NIT2: variants seen among roughly 807,000 people sequenced by gnomAD.
NIT2 encodes the protein nitrilase family member 2.
In NIT2, 46 loss-of-function variants were observed where a neutral mutation model predicts 42.7. That is an observed-to-expected ratio of 1.08 (90% CI 0.85 to 1.38). The LOEUF (loss-of-function observed/expected upper bound fraction) is 1.38, where lower values mean the gene tolerates loss of function less well. NIT2 is among the 40% of genes most tolerant of loss of function. The pLI is 0.00. For missense variants in NIT2, 309 were observed against 342.5 expected (o/e 0.90, Z 0.77); for synonymous variants, 123 against 121.9 (o/e 1.01, Z -0.06).
In NIT2 at chr3:100,356,929, TTC is replaced by T. The variant is rs1706330553; in HGVS notation, c.*1663_*1664del. ...AAAATCACTTGGAACTCAAAATTAC[TTC>T]TTTCACTCAAAATCACTCAAAATTA... On this transcript the variant is annotated 3_prime_UTR_variant, in exon 10 of 10. Transcript: ENST00000394140. The T allele has an allele frequency of 6.6e-6, 1 of 152,216 alleles. No homozygotes were observed. Among genetic ancestry groups the T allele is most frequent in the Non-Finnish European group, 1.5e-5 (1 of 68,044 alleles). The allele number at this position is 152,216 out of a possible 1,614,324, so 9.4% of individuals were successfully genotyped here. A position where few individuals can be genotyped will look rare whatever the true frequency, so the allele number is the denominator to read the frequency against.
Position 100,358,090 on chromosome 3 carries a change from T to C in NIT2, c.*2822T>C, listed in dbSNP as rs1706340504. ...CACGGCACCCAGCCTTTTGTTTGTT[T>C]TTGTTTTTATGTATTTCATTAAATG... On this transcript the variant is annotated 3_prime_UTR_variant, in exon 10 of 10. Coordinates refer to ENST00000394140, the MANE Select transcript of NIT2 (RefSeq NM_020202.5). The C allele has an allele frequency of 6.6e-6, 1 of 152,200 alleles. No individual in the cohort carries two copies. The highest frequency in any genetic ancestry group is 2.1e-4 in the South Asian group (1 of 4,832). 9.4% of individuals were successfully genotyped at this position (152,200 alleles called of 1,614,324 possible). A position where few individuals can be genotyped will look rare whatever the true frequency, so the allele number is the denominator to read the frequency against.
At chr3:100,353,433 T>G (rs1179128895) in intron 8 of NIT2, among the ~76,000 whole-genome samples, 2 of 150,670 alleles carry the variant, frequency 1.3e-5, no homozygotes, top group Non-Finnish European at 3.0e-5. Flanking sequence ...TTGGAAGATA[T>G]GACTAGTGTG....
chr3:100,361,184 A>G lies in NIT2; in HGVS notation c.*5916A>G, dbSNP rs1453193638. 6.6e-6 allele frequency: 1 copy of G among 152,294 alleles called. No homozygotes were observed. Among genetic ancestry groups the G allele is most frequent in the Non-Finnish European group, 1.5e-5 (1 of 68,054 alleles). The allele number at this position is 152,294 out of a possible 1,614,324, so 9.4% of individuals were successfully genotyped here. On this transcript the variant is annotated 3_prime_UTR_variant, in exon 10 of 10. Transcript: ENST00000394140. ...GCAATATTGAGAAATAAAATCAGGT[A>G]AAAGTTATTTAATATAGCAGTTCAT...
At position 100,334,874 on chromosome 3, in the gene NIT2, C is replaced by T. The variant is rs575416289; in HGVS notation, c.7+76C>T. ...CTTTGGAGCGGCGCCGGCGGTGGCT[C>T]GGCCGGCTCAGCCCCTCCGCCCCGC... On this transcript the variant is annotated intron_variant, in intron 1 of 9. Coordinates refer to ENST00000394140, the MANE Select transcript of NIT2 (RefSeq NM_020202.5). 7.3e-5 allele frequency: 90 copies of T among 1,228,236 alleles called. 1 individual carries two copies. In the South Asian group the frequency reaches 1.8e-3, roughly 24 times the overall value. 76.1% of individuals were successfully genotyped at this position (1,228,236 alleles called of 1,614,324 possible). A position where few individuals can be genotyped will look rare whatever the true frequency, so the allele number is the denominator to read the frequency against.
chr3:100,336,744 G>C (rs936167183), intron 1 of NIT2, among the ~76,000 whole-genome samples: 4 of 152,224 alleles, frequency 2.6e-5, no homozygotes, highest in Non-Finnish European at 4.4e-5. Flanking sequence ...ATGGGACATA[G>C]AATCGGGTTT....
intron 6 of NIT2, among the ~76,000 whole-genome samples, chr3:100,348,504 T>C (rs1440873016): frequency 6.6e-6 from 1 of 152,210 alleles, no homozygotes; most frequent in African/African-American, 2.4e-5. Flanking sequence ...ATGAAACTGC[T>C]GCCTGGAATT....
At position 100,355,282 on chromosome 3, in the gene NIT2, A is replaced by T; in HGVS notation, c.*14A>T. Reference sequence around the variant, plus strand: ...AAAAAGCCCTAAAGTTTATGTTTCTAATGTGTCACAGAATAGGACGATATG... The same window carrying T: ...AAAAAGCCCTAAAGTTTATGTTTCTTATGTGTCACAGAATAGGACGATATG... On this transcript the variant is annotated 3_prime_UTR_variant, in exon 10 of 10. Transcript: ENST00000394140. 6.4e-7 allele frequency: 1 copy of T among 1,566,036 alleles called. No homozygotes were observed.
intron 1 of NIT2, among the ~76,000 whole-genome samples, chr3:100,337,749 G>A (rs1332443103): frequency 5.3e-5 from 8 of 152,096 alleles, no homozygotes; most frequent in Non-Finnish European, 1.0e-4. Flanking sequence ...CATCACACCC[G>A]GCGGAAAATT....
At chr3:100,345,249 G>A (rs770318699) in intron 4 of NIT2, among the ~76,000 whole-genome samples, 3 of 152,132 alleles carry the variant, frequency 2.0e-5, no homozygotes, top group Non-Finnish European at 4.4e-5. Context: ...ATGAGCCACC[G>A]TGTCCGGCCT....
rs1488813018 is a variant in NIT2 at position 100,355,334 on chromosome 3, T to G, written c.*66T>G. ...TTCTACAACATAATCAACTCCCTAT[T>G]AAATTCTTTAATGAAGATTTTTTTT... On this transcript the variant is annotated 3_prime_UTR_variant, in exon 10 of 10. Coordinates refer to ENST00000394140, the MANE Select transcript of NIT2 (RefSeq NM_020202.5). 1 of 1,228,600 alleles carries G rather than the reference T, an allele frequency of 8.1e-7. No homozygotes were observed. The highest frequency in any genetic ancestry group is 1.2e-6 in the Non-Finnish European group (1 of 858,966). The allele number at this position is 1,228,600 out of a possible 1,614,324, so 76.1% of individuals were successfully genotyped here.
In NIT2 at chr3:100,355,915, G is replaced by A. The variant is rs277647; in HGVS notation, c.*647G>A. ...TTAGTGAAGACAATTTAGTATGAAT[G>A]TCTGCAAAAGATTTTTTTGATAGCG... On this transcript the variant is annotated 3_prime_UTR_variant, in exon 10 of 10. Coordinates refer to ENST00000394140, the MANE Select transcript of NIT2 (RefSeq NM_020202.5). The A allele has an allele frequency of 2.0e-5, 3 of 152,090 alleles. No individual in the cohort carries two copies. The highest frequency in any genetic ancestry group is 7.2e-5 in the African/African-American group (3 of 41,406). 9.4% of individuals were successfully genotyped at this position (152,090 alleles called of 1,614,324 possible).
chr3:100,342,254 G>A (rs1706165127), intron 4 of NIT2, among the ~76,000 whole-genome samples: 1 of 151,914 alleles, frequency 6.6e-6, no homozygotes, highest in African/African-American at 2.4e-5. Context: ...AGCTATATGT[G>A]TTTTTATATT....
intron 3 of NIT2, among the ~76,000 whole-genome samples, 164 bp from the exon 4 acceptor site, chr3:100,340,909 A>G: frequency 6.6e-6 from 1 of 152,222 alleles, no homozygotes; most frequent in East Asian, 1.9e-4. Flanking sequence ...CTTATTCTGT[A>G]TTATAGAATG....
In NIT2 at chr3:100,359,543, G is replaced by A. The variant is rs781613051; in HGVS notation, c.*4275G>A. Reference sequence around the variant, plus strand: ...CTCTTCTGGCAGATTACTAAAGACCGATTTGTAGACCTGTCCATGTGGCCT... The same window carrying A: ...CTCTTCTGGCAGATTACTAAAGACCAATTTGTAGACCTGTCCATGTGGCCT... On this transcript the variant is annotated 3_prime_UTR_variant, in exon 10 of 10. Transcript: ENST00000394140. 5.9e-5 allele frequency: 9 copies of A among 152,230 alleles called. No individual in the cohort carries two copies. In the South Asian group the frequency reaches 1.0e-3, roughly 18 times the overall value. The allele number at this position is 152,230 out of a possible 1,614,324, so 9.4% of individuals were successfully genotyped here. A position where few individuals can be genotyped will look rare whatever the true frequency, so the allele number is the denominator to read the frequency against.
rs1576203810 is a variant in NIT2, at chr3:100,352,936, C to G, written c.683+434C>G. On this transcript the variant is annotated intron_variant, in intron 8 of 9. Coordinates refer to ENST00000394140, the MANE Select transcript of NIT2 (RefSeq NM_020202.5). Reference sequence around the variant, plus strand: ...GATCAGAGGAGCAGTCAGGATGGTTCAATAAGTGAAACTATGACCCTCTCC... The same window carrying G: ...GATCAGAGGAGCAGTCAGGATGGTTGAATAAGTGAAACTATGACCCTCTCC... Among the ~76,000 whole-genome samples the G allele has an allele frequency of 4.6e-5, 7 of 152,294 alleles. No homozygotes were observed. The South Asian group carries it at 1.5e-3, about 32-fold the overall frequency.
rs541907956 is a variant in NIT2 at position 100,344,715 on chromosome 3, G to A, written c.337-870G>A. 3.3e-5 allele frequency among the ~76,000 whole-genome samples: 5 copies of A among 151,978 alleles called. 1 individual carries two copies. The South Asian group carries it at 1.0e-3, about 32-fold the overall frequency. On this transcript the variant is annotated intron_variant, in intron 4 of 9. Coordinates refer to ENST00000394140, the MANE Select transcript of NIT2 (RefSeq NM_020202.5). ...GGCTGGAGTGCAGTGGTGTGATCTT[G>A]GCTCACTGCAACCTCCACCTCCCTG...
intron 1 of NIT2, among the ~76,000 whole-genome samples, chr3:100,336,756 A>T (rs894225932): frequency 6.6e-6 from 1 of 152,154 alleles, no homozygotes. Flanking sequence ...ATCGGGTTTT[A>T]TACCGAGACA....
chr3:100,346,426 G>C (rs899189414), intron 6 of NIT2, among the ~76,000 whole-genome samples, 171 bp downstream of exon 6: 1 of 152,114 alleles, frequency 6.6e-6, no homozygotes, highest in Admixed American at 6.5e-5. Context: ...TGGATGACAG[G>C]GTTTTTGGGG....
chr3:100,352,222 A>T (rs938806892), intron 7 of NIT2, among the ~76,000 whole-genome samples, 182 bp from the exon 8 acceptor site: 80 of 152,236 alleles, frequency 5.3e-4, no homozygotes, highest in African/African-American at 1.9e-3. Context: ...GGGATCTAGA[A>T]CTAGAAATAC....
Sources: allele counts gnomAD v4.1 joint callset (sites outside exome capture counted in the v4.1 genomes callset), GRCh38; gene constraint gnomAD v4.1.1; transcripts MANE v1.5; gene names NCBI Gene and HGNC (gene_info 2026-07-23, HGNC 2026-07-21).